Variants in RAB5A observed in about 807,000 individuals in gnomAD.
The protein encoded by RAB5A is RAB5A, member RAS oncogene family.
In RAB5A, 8 loss-of-function variants were observed where a neutral mutation model predicts 25.7. That is an observed-to-expected ratio of 0.31 (90% CI 0.18 to 0.56). The LOEUF (loss-of-function observed/expected upper bound fraction) is 0.56, where lower values mean the gene tolerates loss of function less well. Ranked by LOEUF, RAB5A falls within the 20% of genes least tolerant of loss-of-function variation. The pLI is 0.91. For missense variants in RAB5A, 192 were observed against 259.7 expected, an observed-to-expected ratio of 0.74 and a Z score of 1.79; for synonymous variants, 98 against 89.8, an observed-to-expected ratio of 1.09 and a Z score of -0.52.
In RAB5A at chr3:19,947,414, C is replaced by A; in HGVS notation, c.-201C>A. 6.4e-6 allele frequency: 1 copy of A among 156,926 alleles called. No individual in the cohort carries two copies. The highest frequency in any genetic ancestry group is 1.4e-5 in the Non-Finnish European group (1 of 71,418). The allele number at this position is 156,926 out of a possible 1,614,324, so 9.7% of individuals were successfully genotyped here. ...GAGCGGCGCTAAGAGCAGGCGACGC[C>A]GCCGCCGCCACCACCACCGCCATAG... is the stretch of plus-strand genomic sequence containing the variant. On this transcript the variant is annotated 5_prime_UTR_variant, in exon 1 of 6. Coordinates refer to ENST00000273047, the MANE Select transcript of RAB5A (RefSeq NM_004162.5).
At chr3:19,964,965 C>G (rs974412203) in intron 2 of RAB5A, among the ~76,000 whole-genome samples, 1 of 152,210 alleles carries the variant, frequency 6.6e-6, no homozygotes, top group Non-Finnish European at 1.5e-5. Flanking sequence ...GAGTCTCGCT[C>G]TGTCCCCTAG....
At chr3:19,947,925 G>C (rs922503445) in intron 1 of RAB5A, 3 of 152,340 alleles carry the variant, frequency 2.0e-5, no homozygotes, top group Non-Finnish European at 4.4e-5. Flanking sequence ...TTATCCAGGC[G>C]ATCTGTAGTT....
chr3:19,959,680 T>C (rs1461055333), intron 2 of RAB5A, among the ~76,000 whole-genome samples: 1 of 148,804 alleles, frequency 6.7e-6, no homozygotes, highest in African/African-American at 2.5e-5. Flanking sequence ...CAGGGTGAAG[T>C]GCAATGATGT....
chr3:19,980,456 T>C (rs200118876), intron 5 of RAB5A, among the ~76,000 whole-genome samples: 1,684 of 144,674 alleles, frequency 0.012, 11 homozygotes, highest in Middle Eastern at 0.05. Flanking sequence ...TTTTTTTTTC[T>C]TTTTTTTTTT....
At chr3:19,976,627 G>C (rs1463098125) in intron 4 of RAB5A, among the ~76,000 whole-genome samples, 1 of 152,214 alleles carries the variant, frequency 6.6e-6, no homozygotes, top group Non-Finnish European at 1.5e-5. Flanking sequence ...GGAGGTTGTG[G>C]TGAGCCAAGA....
intron 2 of RAB5A, among the ~76,000 whole-genome samples, chr3:19,972,595 G>A (rs1696766519): frequency 6.6e-6 from 1 of 152,132 alleles, no homozygotes; most frequent in African/African-American, 2.4e-5. Flanking sequence ...ATGATGCCCT[G>A]TTTTGCCATA....
At chr3:19,978,535 G>C in intron 5 of RAB5A, 132 bp downstream of exon 5, 1 of 597,444 alleles carries the variant, frequency 1.7e-6, no homozygotes, top group South Asian at 2.2e-5. Context: ...GTGTGTGAGA[G>C]AGAGAGAGAG....
chr3:19,973,031 A>G (rs753773254), intron 2 of RAB5A, among the ~76,000 whole-genome samples: 1 of 152,242 alleles, frequency 6.6e-6, no homozygotes, highest in Non-Finnish European at 1.5e-5. Flanking sequence ...TGTTGAATCT[A>G]TGTGGATGAC....
chr3:19,966,733 T>C (rs181790523), intron 2 of RAB5A, among the ~76,000 whole-genome samples: 18 of 152,342 alleles, frequency 1.2e-4, no homozygotes, highest in Admixed American at 5.2e-4. Flanking sequence ...TAATTTGTGG[T>C]TTTGATTTGC....
rs750044135 is a variant in RAB5A at position 19,983,811 on chromosome 3, T to C, written c.636T>C (p.Cys212=). Residue 212 remains cysteine (C), a synonymous_variant, in exon 6 of 6, where the codon TGT becomes TGC. Transcript: ENST00000273047. ...TEPTQPTRNQ[C]CSN is the part of the protein sequence containing the mutation. ...CCACACAACCAACCAGGAATCAGTG[T>C]TGTAGTAACTAAACCTCTAGTTTGA... 1.3e-6 allele frequency: 2 copies of C among 1,597,524 alleles called. No homozygotes were observed. The highest frequency in any genetic ancestry group is 1.3e-5 in the African/African-American group (1 of 74,358).
chr3:19,964,409 T>A (rs1264869258), intron 2 of RAB5A, among the ~76,000 whole-genome samples: 1 of 152,152 alleles, frequency 6.6e-6, no homozygotes, highest in African/African-American at 2.4e-5. Flanking sequence ...GTTTTTGTAA[T>A]GTGTTCTTTC....
intron 5 of RAB5A, among the ~76,000 whole-genome samples, chr3:19,979,637 T>C (rs928940609): frequency 6.6e-6 from 1 of 152,206 alleles, no homozygotes; most frequent in African/African-American, 2.4e-5. Context: ...AGTAATGAAG[T>C]TGGAGTAGTA....
At chr3:19,949,444 C>T (rs1467780891) in intron 1 of RAB5A, among the ~76,000 whole-genome samples, 2 of 152,234 alleles carry the variant, frequency 1.3e-5, no homozygotes, top group South Asian at 4.2e-4. Flanking sequence ...GTCTCAGAGT[C>T]CTCCTGCCTC....
rs560955223 is a variant in RAB5A, at chr3:19,962,973, T to G, written c.163+11912T>G. ...GACTACAGGTATGCACCAACACACT[T>G]GGCTGATTTTTAAATTTTTGTAGAG... is the stretch of plus-strand genomic sequence containing the variant. On this transcript the variant is annotated intron_variant, in intron 2 of 5. Coordinates refer to ENST00000273047, the MANE Select transcript of RAB5A (RefSeq NM_004162.5). 2.6e-5 allele frequency among the ~76,000 whole-genome samples: 4 copies of G among 152,190 alleles called. No homozygotes were observed. The East Asian group carries it at 7.8e-4, about 30-fold the overall frequency.
rs185360403 is a variant in RAB5A at position 19,963,376 on chromosome 3, C to A, written c.164-12225C>A. ...ATCTTAGAATTTCACCCCCCCCCCC[C>A]CCGACTTATTTTCGTAAGATCAATT... On this transcript the variant is annotated intron_variant, in intron 2 of 5. Transcript: ENST00000273047. 4.6e-5 allele frequency among the ~76,000 whole-genome samples: 4 copies of A among 86,872 alleles called. No homozygotes were observed. The South Asian group carries it at 2.1e-3, about 46-fold the overall frequency. The allele number at this position is 86,872 out of a possible 152,430, so 57.0% of individuals were successfully genotyped here. A position where few individuals can be genotyped will look rare whatever the true frequency, so the allele number is the denominator to read the frequency against.
chr3:19,952,817 T>C (rs867487041), intron 2 of RAB5A, among the ~76,000 whole-genome samples: 19 of 152,172 alleles, frequency 1.2e-4, no homozygotes, highest in African/African-American at 4.6e-4. Context: ...GTTAATACAT[T>C]ATATCCAGTT....
chr3:19,952,637 TTA>T (rs1435446351), intron 2 of RAB5A, among the ~76,000 whole-genome samples: 2 of 152,236 alleles, frequency 1.3e-5, no homozygotes, highest in Non-Finnish European at 2.9e-5. Flanking sequence ...TTAGAATGTT[TTA>T]TGTTTTTTCT....
intron 5 of RAB5A, 143 bp from the exon 6 acceptor site, chr3:19,983,565 G>GT (rs1275233574): frequency 1.6e-6 from 1 of 641,102 alleles, no homozygotes; most frequent in Admixed American, 2.6e-5. Flanking sequence ...TCAATACTCA[G>GT]TAAACATTTG....
chr3:19,984,720 G>A lies in RAB5A; in HGVS notation c.*897G>A, dbSNP rs1374057861. On this transcript the variant is annotated 3_prime_UTR_variant, in exon 6 of 6. Coordinates refer to ENST00000273047, the MANE Select transcript of RAB5A (RefSeq NM_004162.5). ...CGATCTTCAGCTGTACTGTAAATAG[G>A]GTACTGCATTGTAGTCTCCATATCT... 1 of 153,702 alleles carries A rather than the reference G, an allele frequency of 6.5e-6. No individual in the cohort carries two copies. The highest frequency in any genetic ancestry group is 2.4e-5 in the African/African-American group (1 of 41,352). The allele number at this position is 153,702 out of a possible 1,614,324, so 9.5% of individuals were successfully genotyped here.
Sources: gnomAD v4.1 joint callset for allele counts (sites outside exome capture counted in the v4.1 genomes callset) on GRCh38, gnomAD v4.1.1 for gene constraint, MANE v1.5 for transcripts, NCBI Gene and HGNC (gene_info 2026-07-23, HGNC 2026-07-21) for gene names.